The following GNA12 variants were observed in gnomAD, a reference collection of about 807,000 sequenced individuals.
GNA12 encodes guanine nucleotide-binding protein subunit alpha-12.
A neutral mutation model predicts 26.0 loss-of-function variants in GNA12; 9 were observed. The ratio of observed to expected loss-of-function variants is 0.35; its 90% CI spans 0.21 to 0.60. The LOEUF is 0.60. GNA12 is among the 20% of genes least tolerant of loss of function. GNA12 has a pLI of 0.78. For missense variants in GNA12, 405 were observed against 525.8 expected (o/e 0.77, Z 2.25); for synonymous variants, 264 against 219.6 (o/e 1.20, Z -1.79).
chr7:2,839,056 G>A (rs534130919), intron 1 of GNA12, among the ~76,000 whole-genome samples: 18 of 152,116 alleles, frequency 1.2e-4, no homozygotes, highest in African/African-American at 4.1e-4. Context: ...GAGCATACGC[G>A]TTTATCATGT....
intron 1 of GNA12, among the ~76,000 whole-genome samples, chr7:2,811,322 A>G (rs1226501841): frequency 6.6e-6 from 1 of 152,198 alleles, no homozygotes; most frequent in Non-Finnish European, 1.5e-5. Context: ...CTGTGCTGCA[A>G]GCGGGGTGAC....
chr7:2,827,035 G>A (rs751103440), intron 1 of GNA12, among the ~76,000 whole-genome samples: 2 of 152,212 alleles, frequency 1.3e-5, no homozygotes, highest in Non-Finnish European at 2.9e-5. Flanking sequence ...GAGGCAGGCA[G>A]TATGTGGGAA....
intron 2 of GNA12, among the ~76,000 whole-genome samples, chr7:2,755,910 T>G (rs73049327): frequency 0.11 from 16,635 of 152,268 alleles, 1,049 homozygotes; most frequent in Middle Eastern, 0.18. Flanking sequence ...TGATCTAGAT[T>G]GAATACCAGT....
chr7:2,733,397 G>C, intron 3 of GNA12, 54 bp downstream of exon 3: 2 of 1,226,700 alleles, frequency 1.6e-6, no homozygotes, highest in African/African-American at 3.7e-5. Context: ...TTGGTCTCTG[G>C]ACACGTTTTC....
chr7:2,761,866 C>T (rs1332206199), intron 2 of GNA12, among the ~76,000 whole-genome samples: 1 of 152,186 alleles, frequency 6.6e-6, no homozygotes, highest in South Asian at 2.1e-4. Context: ...TAGGTCACAA[C>T]GTAAAATTCG....
chr7:2,835,196 C>T (rs1278615412), intron 1 of GNA12, among the ~76,000 whole-genome samples: 2 of 152,172 alleles, frequency 1.3e-5, no homozygotes, highest in African/African-American at 4.8e-5. Context: ...GGAATGGAAG[C>T]ACTGTGAGAT....
chr7:2,791,368 G>A (rs1476502630), intron 2 of GNA12, among the ~76,000 whole-genome samples: 5 of 152,214 alleles, frequency 3.3e-5, no homozygotes, highest in Admixed American at 6.5e-5. Flanking sequence ...TGGGGAAGGC[G>A]GCCAGGCTGC....
At chr7:2,815,429 C>G (rs144933912) in intron 1 of GNA12, among the ~76,000 whole-genome samples, 9 of 152,280 alleles carry the variant, frequency 5.9e-5, no homozygotes, top group Admixed American at 2.0e-4. Flanking sequence ...GAGGCTGGAG[C>G]GTGTAGGAGA....
At chr7:2,751,462 C>T (rs545252921) in intron 2 of GNA12, among the ~76,000 whole-genome samples, 8 of 149,404 alleles carry the variant, frequency 5.4e-5, no homozygotes, top group Non-Finnish European at 1.0e-4. Context: ...CCAAAGGTAC[C>T]ACCTCAAAGA....
intron 2 of GNA12, among the ~76,000 whole-genome samples, chr7:2,758,919 T>A (rs1791426341): frequency 6.6e-6 from 1 of 152,040 alleles, no homozygotes; most frequent in South Asian, 2.1e-4. Context: ...CCGAGGTGGA[T>A]CACCTGAGGT....
chr7:2,747,047 A>AG (rs1273862185), intron 2 of GNA12, among the ~76,000 whole-genome samples: 1 of 152,206 alleles, frequency 6.6e-6, no homozygotes, highest in Non-Finnish European at 1.5e-5. Context: ...AACCAAAAAA[A>AG]GTCCAGGAGC....
chr7:2,808,097 G>C (rs748752444), intron 1 of GNA12, among the ~76,000 whole-genome samples: 1 of 152,232 alleles, frequency 6.6e-6, no homozygotes, highest in Non-Finnish European at 1.5e-5. Context: ...TAACTGTTTA[G>C]ACAACTAAAC....
intron 1 of GNA12, chr7:2,814,810 C>T: frequency 3.3e-6 from 5 of 1,493,824 alleles, no homozygotes; most frequent in Non-Finnish European, 4.6e-6. Context: ...GCACTGCTCC[C>T]AAGCACCCTT....
At chr7:2,754,447 A>G (rs1791192623) in intron 2 of GNA12, among the ~76,000 whole-genome samples, 1 of 152,012 alleles carries the variant, frequency 6.6e-6, no homozygotes, top group Admixed American at 6.5e-5. Context: ...TCATCCTCTT[A>G]CTAAGAGGAT....
chr7:2,781,636 A>G (rs1252897432), intron 2 of GNA12, among the ~76,000 whole-genome samples: 1 of 152,140 alleles, frequency 6.6e-6, no homozygotes, highest in Non-Finnish European at 1.5e-5. Flanking sequence ...GGGTCTAAAG[A>G]CATGTAGCTG....
At chr7:2,745,931 A>G (rs1790742211) in intron 2 of GNA12, among the ~76,000 whole-genome samples, 1 of 152,220 alleles carries the variant, frequency 6.6e-6, no homozygotes, top group South Asian at 2.1e-4. Context: ...GAAGGCCATT[A>G]CATAATGGTA....
chr7:2,756,484 A>T (rs1583244350), intron 2 of GNA12, among the ~76,000 whole-genome samples: 1 of 152,124 alleles, frequency 6.6e-6, no homozygotes, highest in East Asian at 1.9e-4. Flanking sequence ...GTGTGGTGGC[A>T]CACGCCTATA....
chr7:2,844,274 G>GCA lies in GNA12; in HGVS notation c.-114_-113insTG. 2.5e-6 allele frequency: 1 copy of GCA among 393,728 alleles called. No homozygotes were observed. The highest frequency in any genetic ancestry group is 3.4e-6 in the Non-Finnish European group (1 of 290,850). The allele number at this position is 393,728 out of a possible 1,614,324, so 24.4% of individuals were successfully genotyped here. On this transcript the variant is annotated 5_prime_UTR_variant, in exon 1 of 4. Coordinates refer to ENST00000275364, the MANE Select transcript of GNA12 (RefSeq NM_007353.3). ...CCCCACGCCCCGCCGCTCGCCTCAG[G>GCA]CCGCGTCCGCCGCCGCCGCTGCAGT...
At chr7:2,808,250 C>A (rs913597444) in intron 1 of GNA12, among the ~76,000 whole-genome samples, 15 of 152,258 alleles carry the variant, frequency 9.9e-5, no homozygotes, top group Admixed American at 5.2e-4. Flanking sequence ...ATGAGTAGTG[C>A]TACCCGACAC....
Sources: gnomAD v4.1 joint callset for allele counts (sites outside exome capture counted in the v4.1 genomes callset) on GRCh38, gnomAD v4.1.1 for gene constraint, MANE v1.5 for transcripts, NCBI Gene and HGNC (gene_info 2026-07-23, HGNC 2026-07-21) for gene names.